The following TRPC5 variants were observed in gnomAD, a reference collection of about 807,000 sequenced individuals.
TRPC5 encodes transient receptor potential cation channel subfamily C member 5, also known as short transient receptor potential channel 5.
A neutral mutation model predicts 56.5 loss-of-function variants in TRPC5; 9 were observed. The ratio of observed to expected loss-of-function variants is 0.16; its 90% CI spans 0.10 to 0.28. The LOEUF (loss-of-function observed/expected upper bound fraction) is 0.28, where lower values mean the gene tolerates loss of function less well. Ranked by LOEUF, TRPC5 falls within the 10% of genes least tolerant of loss-of-function variation. TRPC5 has a pLI of 1.00. For missense variants in TRPC5, 469 were observed against 748.9 expected, an observed-to-expected ratio of 0.63 and a Z score of 4.36; for synonymous variants, 282 against 278.5, an observed-to-expected ratio of 1.01 and a Z score of -0.13.
At chrX:112,032,910 T>C (rs1207730840) in intron 1 of TRPC5, among the ~76,000 whole-genome samples, 1 of 111,261 alleles carries the variant, frequency 9.0e-6, no homozygotes, top group Non-Finnish European at 1.9e-5. Flanking sequence ...TGGCCATACA[T>C]ATATCTTCTT....
intron 3 of TRPC5, among the ~76,000 whole-genome samples, chrX:111,865,228 C>G (rs772224258): frequency 1.2e-4 from 13 of 109,814 alleles, no homozygotes; most frequent in Non-Finnish European, 1.7e-4. Context: ...GTTACCCCCC[C>G]CAGCCTGGTC....
intron 5 of TRPC5, among the ~76,000 whole-genome samples, chrX:111,848,832 T>C (rs961068053): frequency 8.9e-6 from 1 of 111,978 alleles, no homozygotes; most frequent in African/African-American, 3.3e-5. Flanking sequence ...CCAACAAACA[T>C]GCACTGCATT....
In TRPC5 at chrX:111,912,420, G is replaced by A. The variant is rs1460448169; in HGVS notation, c.771C>T (p.Asp257=). The A allele has an allele frequency of 8.3e-7, 1 of 1,211,524 alleles. No homozygotes were observed. The highest frequency in any genetic ancestry group is 2.2e-5 in the Admixed American group (1 of 45,990). The change falls in exon 3 of 11, where the codon GAC becomes GAT. Residue 257 remains aspartate (D), a synonymous_variant. Transcript: ENST00000262839. ...QCKLFAKDLL[D]QARSSRELEI... ...CCAGTTCCCTGGAGCTCCGAGCTTGGTCCAGCAGGTCTTTGGCAAAGAGCT... is the reference window on the plus strand; with the variant it reads ...CCAGTTCCCTGGAGCTCCGAGCTTGATCCAGCAGGTCTTTGGCAAAGAGCT...
intron 2 of TRPC5, among the ~76,000 whole-genome samples, chrX:111,950,729 G>C (rs780401356): frequency 5.4e-5 from 6 of 111,942 alleles, no homozygotes; most frequent in Non-Finnish European, 7.5e-5. Flanking sequence ...TAACTTGTTG[G>C]CACCGTCCAG....
At chrX:112,005,665 G>A (rs931488922) in intron 1 of TRPC5, among the ~76,000 whole-genome samples, 1 of 110,375 alleles carries the variant, frequency 9.1e-6, no homozygotes, top group Admixed American at 9.7e-5. Flanking sequence ...AACTGGGAGT[G>A]ACCCTGCTGG....
chrX:111,859,812 T>A (rs1420960322), intron 3 of TRPC5, among the ~76,000 whole-genome samples: 1 of 112,803 alleles, frequency 8.9e-6, no homozygotes, highest in African/African-American at 3.2e-5. Context: ...TTTTTTTTTT[T>A]AATTGTGTTC....
intron 1 of TRPC5, among the ~76,000 whole-genome samples, chrX:112,006,134 G>A (rs779997363): frequency 2.7e-5 from 3 of 111,431 alleles, no homozygotes; most frequent in African/African-American, 9.8e-5. Flanking sequence ...CAAAAAGAGG[G>A]AGGTGGTGAA....
At chrX:111,991,923 A>C (rs1928365973) in intron 1 of TRPC5, among the ~76,000 whole-genome samples, 1 of 112,194 alleles carries the variant, frequency 8.9e-6, no homozygotes, top group Non-Finnish European at 1.9e-5. Context: ...AAAAGAAGAA[A>C]TCAATCAGCC....
At chrX:111,946,012 A>G (rs1427119831) in intron 2 of TRPC5, among the ~76,000 whole-genome samples, 2 of 112,549 alleles carry the variant, frequency 1.8e-5, no homozygotes, top group East Asian at 5.7e-4. Context: ...TCCCAGAAAG[A>G]CAGAGCTCCA....
At chrX:112,040,525 C>A (rs1267404379) in intron 1 of TRPC5, among the ~76,000 whole-genome samples, 1 of 111,602 alleles carries the variant, frequency 9.0e-6, no homozygotes, top group Non-Finnish European at 1.9e-5. Context: ...GGAATATGAC[C>A]ATTTCCTGCT....
At chrX:111,910,747 G>C (rs1355802989) in intron 3 of TRPC5, among the ~76,000 whole-genome samples, 1 of 111,869 alleles carries the variant, frequency 8.9e-6, no homozygotes, top group Admixed American at 9.5e-5. Context: ...GGCCAGGCTG[G>C]TCTCGAACTC....
chrX:111,958,294 C>T (rs1365498635), intron 1 of TRPC5, among the ~76,000 whole-genome samples: 6 of 111,808 alleles, frequency 5.4e-5, no homozygotes, highest in African/African-American at 1.9e-4. Flanking sequence ...GCTTCATTTC[C>T]ATCTACATTT....
chrX:111,907,677 T>G (rs1436560445), intron 3 of TRPC5, among the ~76,000 whole-genome samples: 2 of 110,081 alleles, frequency 1.8e-5, no homozygotes, highest in Non-Finnish European at 3.8e-5. Context: ...AAGCATAAAG[T>G]TAGGTTTCAT....
Position 111,769,091 on chromosome X carries a change from A to G in TRPC5, c.*7222T>C, listed in dbSNP as rs192807540. Among the ~76,000 whole-genome samples the G allele has an allele frequency of 1.6e-4, 18 of 111,386 alleles. No individual in the cohort carries two copies. Among genetic ancestry groups the G allele is most frequent in the Non-Finnish European group, 3.2e-4 (17 of 52,983 alleles). On this transcript the variant is annotated 3_prime_UTR_variant, in exon 11 of 11. Transcript: ENST00000262839. ...TAGCTAGCTGCCATCTTCCTATTAG[A>G]GTTTCTTTCCATTGCTTCTGCCACC...
intron 7 of TRPC5, among the ~76,000 whole-genome samples, chrX:111,793,896 G>GCTA (rs1946041221): frequency 2.7e-5 from 3 of 112,059 alleles, no homozygotes; most frequent in South Asian, 3.7e-4. Context: ...ACTGATACAT[G>GCTA]CTACAACATG....
At chrX:111,790,413 G>T (rs1473123031) in intron 7 of TRPC5, among the ~76,000 whole-genome samples, 1 of 110,634 alleles carries the variant, frequency 9.0e-6, no homozygotes, top group Non-Finnish European at 1.9e-5. Context: ...CTGTCGGAGG[G>T]TGGGGGACTG....
At chrX:111,987,724 C>G (rs1369122581) in intron 1 of TRPC5, among the ~76,000 whole-genome samples, 1 of 112,135 alleles carries the variant, frequency 8.9e-6, no homozygotes, top group Non-Finnish European at 1.9e-5. Flanking sequence ...ATTTCCTTAT[C>G]CATTCGTCAA....
chrX:111,888,210 G>A (rs929802949), intron 3 of TRPC5, among the ~76,000 whole-genome samples: 1 of 111,541 alleles, frequency 9.0e-6, no homozygotes, highest in Non-Finnish European at 1.9e-5. Flanking sequence ...GAACAGAGCA[G>A]GAGAGAGAAA....
intron 1 of TRPC5, among the ~76,000 whole-genome samples, chrX:112,011,724 G>A (rs112125760): frequency 0.011 from 1,194 of 110,977 alleles, 10 homozygotes; most frequent in Middle Eastern, 0.056. Context: ...TGGTGAGTCC[G>A]TTCATTCACT....
Sources: allele counts gnomAD v4.1 joint callset (sites outside exome capture counted in the v4.1 genomes callset), GRCh38; gene constraint gnomAD v4.1.1; transcripts MANE v1.5; gene names NCBI Gene and HGNC (gene_info 2026-07-23, HGNC 2026-07-21).